The following PPP4R3B variants were observed in gnomAD, a reference collection of about 807,000 sequenced individuals.
The protein encoded by PPP4R3B is serine/threonine-protein phosphatase 4 regulatory subunit 3B.
In PPP4R3B, 52 loss-of-function variants were observed where a neutral mutation model predicts 95.4. The ratio of observed to expected loss-of-function variants is 0.54; its 90% CI spans 0.44 to 0.69. PPP4R3B has a LOEUF of 0.69. Ranked by LOEUF, PPP4R3B falls within the 30% of genes least tolerant of loss-of-function variation. The probability of loss-of-function intolerance (pLI) is 0.00; values close to 1 mark genes in which losing one functional copy is unlikely to be tolerated. For missense variants in PPP4R3B, 1,003 were observed against 1,005.9 expected (o/e 1.00, Z 0.04); for synonymous variants, 407 against 343.9 (o/e 1.18, Z -2.03).
rs1487010794 is a variant in PPP4R3B, at chr2:55,617,585, C to A, written c.-300G>T. On this transcript the variant is annotated 5_prime_UTR_variant, in exon 1 of 17. Transcript: ENST00000616407. The stretch of plus-strand genomic sequence containing the variant: ...GCCGCCGCGGTAACTACTACAGATC[C>A]GCCATCTTGTAACCCGACTCTCTCT... The A allele has an allele frequency of 3.1e-5, 9 of 293,870 alleles. No homozygotes were observed. The highest frequency in any genetic ancestry group is 6.5e-5 in the African/African-American group (3 of 46,202). 18.2% of individuals were successfully genotyped at this position (293,870 alleles called of 1,614,324 possible). A position where few individuals can be genotyped will look rare whatever the true frequency, so the allele number is the denominator to read the frequency against.
At chr2:55,608,641 T>TCATGTCATCAC (rs1262389995) in intron 2 of PPP4R3B, among the ~76,000 whole-genome samples, 3 of 152,202 alleles carry the variant, frequency 2.0e-5, no homozygotes, top group Non-Finnish European at 4.4e-5. Flanking sequence ...CTATTAAGTA[T>TCATGTCATCAC]TTTGGATCAT....
intron 12 of PPP4R3B, among the ~76,000 whole-genome samples, chr2:55,570,512 C>T (rs141214545): frequency 2.3e-4 from 35 of 152,274 alleles, no homozygotes; most frequent in African/African-American, 8.2e-4. Flanking sequence ...TGCTAAAAAT[C>T]TTATGGAACA....
At chr2:55,609,070 G>C (rs971342041) in intron 2 of PPP4R3B, among the ~76,000 whole-genome samples, 1 of 152,204 alleles carries the variant, frequency 6.6e-6, no homozygotes, top group Non-Finnish European at 1.5e-5. Flanking sequence ...ATGAATATAT[G>C]TGGTCAGATC....
intron 1 of PPP4R3B, among the ~76,000 whole-genome samples, chr2:55,615,750 G>A (rs1232230382): frequency 1.3e-5 from 2 of 151,122 alleles, no homozygotes; most frequent in African/African-American, 4.9e-5. Context: ...TACACGGGAG[G>A]GTGGGGCAGG....
intron 4 of PPP4R3B, among the ~76,000 whole-genome samples, chr2:55,596,548 C>T (rs1691799068): frequency 6.6e-6 from 1 of 152,160 alleles, no homozygotes. Flanking sequence ...AGTCAATATG[C>T]CACAGCAATG....
intron 2 of PPP4R3B, among the ~76,000 whole-genome samples, chr2:55,605,590 C>G (rs897166873): frequency 6.6e-6 from 1 of 152,120 alleles, no homozygotes; most frequent in Non-Finnish European, 1.5e-5. Context: ...CTAAAATTCT[C>G]TCAAGTCACT....
At chr2:55,601,338 C>T (rs1235882262) in intron 3 of PPP4R3B, among the ~76,000 whole-genome samples, 5 of 151,706 alleles carry the variant, frequency 3.3e-5, no homozygotes, top group East Asian at 3.9e-4. Context: ...CTCTGGGAGA[C>T]GTTTTGTCAT....
chr2:55,557,206 T>G (rs1411776698), intron 16 of PPP4R3B, among the ~76,000 whole-genome samples: 1 of 152,226 alleles, frequency 6.6e-6, no homozygotes, highest in Non-Finnish European at 1.5e-5. Flanking sequence ...GCAAATATTC[T>G]TTTTTGAGCA....
At position 55,558,977 on chromosome 2, in the gene PPP4R3B, A is replaced by C. The variant is rs199966006; in HGVS notation, c.2261-9T>G. Reference sequence around the variant, plus strand: ...GTCTTCACTTTCTTTTGCTAAAGCAAAAGTAAAATTTTGAACGTATATCAA... The same window carrying C: ...GTCTTCACTTTCTTTTGCTAAAGCACAAGTAAAATTTTGAACGTATATCAA... On this transcript the variant is annotated splice_polypyrimidine_tract_variant and intron_variant, in intron 15 of 16. Transcript: ENST00000616407. 3.8e-5 allele frequency: 61 copies of C among 1,599,710 alleles called. No homozygotes were observed. Among genetic ancestry groups the C allele is most frequent in the Non-Finnish European group, 5.0e-5 (59 of 1,174,486 alleles).
chr2:55,570,562 A>T (rs575785707), intron 12 of PPP4R3B, among the ~76,000 whole-genome samples: 1 of 152,324 alleles, frequency 6.6e-6, no homozygotes, highest in African/African-American at 2.4e-5. Context: ...TTATATGTTG[A>T]TCCTTTAACT....
At chr2:55,586,909 TA>T (rs1690218281) in intron 5 of PPP4R3B, among the ~76,000 whole-genome samples, 175 bp from the exon 6 acceptor site, 1 of 152,204 alleles carries the variant, frequency 6.6e-6, no homozygotes, top group Non-Finnish European at 1.5e-5. Flanking sequence ...CCATTAAAAG[TA>T]AACCTTGCAT....
chr2:55,580,109 C>A (rs576032241), intron 8 of PPP4R3B, among the ~76,000 whole-genome samples: 57 of 152,074 alleles, frequency 3.7e-4, no homozygotes, highest in Non-Finnish European at 7.1e-4. Flanking sequence ...GAAAATTATT[C>A]AAAATAATTT....
chr2:55,564,715 A>C (rs1687063929), intron 14 of PPP4R3B, among the ~76,000 whole-genome samples, 187 bp downstream of exon 14: 1 of 152,180 alleles, frequency 6.6e-6, no homozygotes, highest in Non-Finnish European at 1.5e-5. Context: ...CGTAAGTTAC[A>C]ACATGGAGTA....
At chr2:55,607,070 C>T (rs888119966) in intron 2 of PPP4R3B, among the ~76,000 whole-genome samples, 5 of 152,100 alleles carry the variant, frequency 3.3e-5, no homozygotes, top group African/African-American at 1.2e-4. Flanking sequence ...AAAATATTTG[C>T]AGTTATCTCC....
At chr2:55,553,512 G>C (rs949911991) in intron 16 of PPP4R3B, among the ~76,000 whole-genome samples, 1 of 152,108 alleles carries the variant, frequency 6.6e-6, no homozygotes, top group African/African-American at 2.4e-5. Context: ...AGTGGTTTTA[G>C]TATATTCACA....
intron 13 of PPP4R3B, among the ~76,000 whole-genome samples, chr2:55,567,519 G>A (rs140524818): frequency 4.0e-4 from 61 of 152,172 alleles, no homozygotes; most frequent in African/African-American, 1.4e-3. Context: ...GGATGCAAGT[G>A]GTTCTTGTGC....
chr2:55,603,857 A>T, intron 3 of PPP4R3B, 121 bp downstream of exon 3: 1 of 559,036 alleles, frequency 1.8e-6, no homozygotes, highest in Non-Finnish European at 3.0e-6. Context: ...TTCAAGTTAG[A>T]TTATCAAGTC....
At chr2:55,596,793 T>C (rs1691838984) in intron 4 of PPP4R3B, among the ~76,000 whole-genome samples, 1 of 152,016 alleles carries the variant, frequency 6.6e-6, no homozygotes, top group South Asian at 2.1e-4. Flanking sequence ...TGAAACCCTG[T>C]TTCTACTAAA....
chr2:55,577,564 C>T (rs1223867021), intron 10 of PPP4R3B, among the ~76,000 whole-genome samples: 1 of 151,950 alleles, frequency 6.6e-6, no homozygotes, highest in Non-Finnish European at 1.5e-5. Flanking sequence ...TATTAAAAGA[C>T]AACATAGCAT....
Sources: allele counts gnomAD v4.1 joint callset (sites outside exome capture counted in the v4.1 genomes callset), GRCh38; gene constraint gnomAD v4.1.1; transcripts MANE v1.5; gene names NCBI Gene and HGNC (gene_info 2026-07-23, HGNC 2026-07-21).